The following MCPH1 variants were observed in gnomAD, a reference collection of about 807,000 sequenced individuals.
MCPH1 encodes microcephalin.
MCPH1 carries 104 observed loss-of-function variants against 84.5 expected under a neutral mutation model. The observed-to-expected ratio is 1.23, with a 90% CI of 1.05 to 1.45. The LOEUF is 1.45. Among genes scored for constraint, MCPH1 ranks in the 40% most tolerant of loss-of-function variants. MCPH1 has a pLI of 0.00. For missense variants in MCPH1, 1,498 were observed against 1,005.7 expected, an observed-to-expected ratio of 1.49 and a Z score of -6.62; for synonymous variants, 514 against 366.8, an observed-to-expected ratio of 1.40 and a Z score of -4.58.
chr8:6,642,286 T>A (rs574710958), intron 13 of MCPH1, among the ~76,000 whole-genome samples: 16 of 152,184 alleles, frequency 1.1e-4, no homozygotes, highest in African/African-American at 3.6e-4. Context: ...ACAGTAGGAA[T>A]AGAATGCAGT....
At chr8:6,437,140 T>C (rs139871539) in intron 5 of MCPH1, among the ~76,000 whole-genome samples, 2 of 152,300 alleles carry the variant, frequency 1.3e-5, no homozygotes, top group Non-Finnish European at 2.9e-5. Flanking sequence ...TTAATTCCTC[T>C]AGTTTTTGTT....
rs1222121513 is a variant in MCPH1 at position 6,439,051 on chromosome 8, A to C, written c.535A>C (p.Arg179=). ...TAGGCACCACAGCGCAATGGAGAAG[A>C]GATTACAAGAGATGAAGGAGAAAAG... ...NSRHHSAMEK[R]LQEMKEKREN... The change falls in exon 6 of 14, where the codon AGA becomes CGA. Residue 179 remains arginine (R), a synonymous_variant. Coordinates refer to ENST00000344683, the MANE Select transcript of MCPH1 (RefSeq NM_024596.5). 8 of 1,613,428 alleles carry C rather than the reference A, an allele frequency of 5.0e-6. No individual in the cohort carries two copies. Among genetic ancestry groups the C allele is most frequent in the Non-Finnish European group, 6.8e-6 (8 of 1,179,786 alleles).
In MCPH1 at chr8:6,455,582, G is replaced by T. The variant is rs1585873550; in HGVS notation, c.1935+330G>T. Among the ~76,000 whole-genome samples the T allele has an allele frequency of 2.0e-5, 3 of 152,156 alleles. No individual in the cohort carries two copies. The South Asian group carries it at 6.2e-4, about 32-fold the overall frequency. On this transcript the variant is annotated intron_variant, in intron 9 of 13. Transcript: ENST00000344683. ...ATCGGAATAAATATTTACTAGGTAG[G>T]AGGTGAAGAATCCAAACATTCATTC...
At chr8:6,481,550 G>A (rs1024153681) in intron 11 of MCPH1, among the ~76,000 whole-genome samples, 1 of 152,054 alleles carries the variant, frequency 6.6e-6, no homozygotes, top group African/African-American at 2.4e-5. Context: ...CTGCATCTGT[G>A]GTATCCGTCT....
At chr8:6,420,877 A>T (rs1337154163) in intron 3 of MCPH1, among the ~76,000 whole-genome samples, 1 of 152,206 alleles carries the variant, frequency 6.6e-6, no homozygotes, top group Non-Finnish European at 1.5e-5. Context: ...GAGGAGCATA[A>T]GGCAAAAGAA....
chr8:6,441,330 G>A lies in MCPH1; in HGVS notation c.581-737G>A, dbSNP rs117727312. On this transcript the variant is annotated intron_variant, in intron 6 of 13. Transcript: ENST00000344683. ...AGTGTTAATTCTGCTACTTTACTGC[G>A]TCCAGTACAGTTTAAAACTTAACTG... 1.1e-4 allele frequency among the ~76,000 whole-genome samples: 16 copies of A among 152,214 alleles called. No homozygotes were observed. The East Asian group carries it at 1.4e-3, about 13-fold the overall frequency.
chr8:6,632,766 G>A (rs922607065), intron 13 of MCPH1, among the ~76,000 whole-genome samples: 4 of 151,962 alleles, frequency 2.6e-5, no homozygotes, highest in African/African-American at 2.4e-5. Context: ...CCAAGAGTGC[G>A]CCATTGCACT....
chr8:6,520,749 A>C (rs933582406), intron 12 of MCPH1, among the ~76,000 whole-genome samples: 3 of 152,216 alleles, frequency 2.0e-5, no homozygotes, highest in Non-Finnish European at 4.4e-5. Context: ...TAAGGAAGGC[A>C]AAATGTGCTT....
rs1240043253 is a variant in MCPH1 at position 6,617,279 on chromosome 8, T to TTG, written c.2215-4174_2215-4173insGT. The TTG allele has an allele frequency of 3.4e-4, 50 of 149,164 alleles. 1 individual carries two copies. The highest frequency in any genetic ancestry group is 1.2e-3 in the African/African-American group (50 of 40,338). 9.2% of individuals were successfully genotyped at this position (149,164 alleles called of 1,614,324 possible). ...GGTGGGGGGGGGGTGTTTTTTTTGT[T>TTG]TTTTTTTTTGTTTTTTTTGAGGTGG... On this transcript the variant is annotated intron_variant, in intron 12 of 13. Coordinates refer to ENST00000344683, the MANE Select transcript of MCPH1 (RefSeq NM_024596.5).
chr8:6,470,567 G>C (rs1807592203), intron 9 of MCPH1, among the ~76,000 whole-genome samples: 1 of 152,198 alleles, frequency 6.6e-6, no homozygotes, highest in Non-Finnish European at 1.5e-5. Flanking sequence ...TTACAGATGT[G>C]AGCCACCATG....
At chr8:6,441,773 A>G (rs1017412369) in intron 6 of MCPH1, among the ~76,000 whole-genome samples, 16 of 152,164 alleles carry the variant, frequency 1.1e-4, no homozygotes, top group African/African-American at 3.4e-4. Context: ...TGGGACCCCA[A>G]CGTCACCTCT....
intron 9 of MCPH1, among the ~76,000 whole-genome samples, chr8:6,463,238 G>C (rs1335923916): frequency 2.0e-5 from 3 of 152,224 alleles, no homozygotes; most frequent in Non-Finnish European, 4.4e-5. Flanking sequence ...AGAAGACTGA[G>C]TTCTGCGGTC....
At chr8:6,469,392 G>A (rs1356783902) in intron 9 of MCPH1, among the ~76,000 whole-genome samples, 2 of 152,170 alleles carry the variant, frequency 1.3e-5, no homozygotes, top group East Asian at 1.9e-4. Flanking sequence ...TGCTTTACAC[G>A]ATGTAGCTGC....
intron 7 of MCPH1, 40 bp from the exon 8 acceptor site, chr8:6,444,353 A>T (rs1428811541): frequency 6.2e-7 from 1 of 1,612,240 alleles, no homozygotes; most frequent in African/African-American, 1.3e-5. Flanking sequence ...GAATAATTTA[A>T]ACCACTTTTA....
chr8:6,434,252 A>C (rs578038451), intron 4 of MCPH1, among the ~76,000 whole-genome samples: 2 of 152,344 alleles, frequency 1.3e-5, no homozygotes, highest in Non-Finnish European at 2.9e-5. Flanking sequence ...ACCGTACCTG[A>C]GAACCAGGAA....
chr8:6,563,707 G>A (rs751976765), intron 12 of MCPH1, among the ~76,000 whole-genome samples: 41 of 152,188 alleles, frequency 2.7e-4, no homozygotes, highest in Non-Finnish European at 4.4e-4. Context: ...GTAAACGTGT[G>A]CCTTTTCAGA....
At chr8:6,642,129 G>C (rs1300770148) in intron 13 of MCPH1, among the ~76,000 whole-genome samples, 3 of 152,018 alleles carry the variant, frequency 2.0e-5, no homozygotes, top group Non-Finnish European at 4.4e-5. Context: ...TCACTCATCT[G>C]TGTGACTTCT....
chr8:6,471,750 T>G (rs1807750983), intron 9 of MCPH1, among the ~76,000 whole-genome samples: 1 of 152,192 alleles, frequency 6.6e-6, no homozygotes. Flanking sequence ...ATTTAGACAA[T>G]GCCATAAGAA....
intron 12 of MCPH1, chr8:6,509,124 A>G: frequency 6.4e-7 from 1 of 1,570,894 alleles, no homozygotes; most frequent in South Asian, 1.2e-5. Context: ...GTAGTGGCAA[A>G]TTTTTTGTGA....
Sources: gnomAD v4.1 joint callset for allele counts (sites outside exome capture counted in the v4.1 genomes callset) on GRCh38, gnomAD v4.1.1 for gene constraint, MANE v1.5 for transcripts, NCBI Gene and HGNC (gene_info 2026-07-23, HGNC 2026-07-21) for gene names.